FBXL17: variants seen among roughly 807,000 people sequenced by gnomAD.
FBXL17 encodes F-box/LRR-repeat protein 17.
A neutral mutation model predicts 66.2 loss-of-function variants in FBXL17; 22 were observed. That is an observed-to-expected ratio of 0.33 (90% CI 0.24 to 0.47). The LOEUF (loss-of-function observed/expected upper bound fraction) is 0.47. FBXL17 is among the 20% of genes least tolerant of loss of function. The pLI is 1.00. For missense variants in FBXL17, 878 were observed against 948.2 expected (o/e 0.93, Z 0.97); for synonymous variants, 474 against 400.5 (o/e 1.18, Z -2.19).
At chr5:108,001,396 A>T (rs978765307) in intron 7 of FBXL17, among the ~76,000 whole-genome samples, 6 of 152,240 alleles carry the variant, frequency 3.9e-5, no homozygotes, top group Non-Finnish European at 7.3e-5. Flanking sequence ...ATTAATTATC[A>T]CAATAATAAA....
In FBXL17 at chr5:108,016,013, A is replaced by G. The variant is rs1450066705; in HGVS notation, c.1822+4912T>C. ...GAAACTAAACATCTGTATGTAGTAC[A>G]TGGCCCAGCACACGGTGGGTGCTGA... On this transcript the variant is annotated intron_variant, in intron 7 of 8. Transcript: ENST00000542267. Among the ~76,000 whole-genome samples, 9 of 152,308 alleles carry G rather than the reference A, an allele frequency of 5.9e-5. No homozygotes were observed. The East Asian group carries it at 1.4e-3, about 23-fold the overall frequency.
chr5:108,063,500 T>G (rs1748003502), intron 6 of FBXL17, among the ~76,000 whole-genome samples: 1 of 152,202 alleles, frequency 6.6e-6, no homozygotes, highest in Admixed American at 6.6e-5. Context: ...CTCTCTCTGC[T>G]GCAGCTCTCC....
At chr5:108,163,231 T>C (rs1013531731) in intron 6 of FBXL17, among the ~76,000 whole-genome samples, 4 of 152,160 alleles carry the variant, frequency 2.6e-5, no homozygotes, top group African/African-American at 9.7e-5. Flanking sequence ...TCAACCTCTA[T>C]TCCTTTATAT....
At chr5:108,141,478 CCA>C (rs1465426852) in intron 6 of FBXL17, among the ~76,000 whole-genome samples, 1 of 152,164 alleles carries the variant, frequency 6.6e-6, no homozygotes, top group African/African-American at 2.4e-5. Flanking sequence ...CTTTGTAACC[CCA>C]GAGTCTCAAA....
Position 108,382,085 on chromosome 5 carries a change from G to T in FBXL17, c.-394C>A, listed in dbSNP as rs1309449386. 2 of 527,490 alleles carry T rather than the reference G, an allele frequency of 3.8e-6. No individual in the cohort carries two copies. The highest frequency in any genetic ancestry group is 4.9e-6 in the Non-Finnish European group (2 of 407,042). The allele number at this position is 527,490 out of a possible 1,614,324, so 32.7% of individuals were successfully genotyped here. A position where few individuals can be genotyped will look rare whatever the true frequency, so the allele number is the denominator to read the frequency against. ...AACTGCGGATCCGCCGCCGGCGCGCGCACCCGCGACTCTGCTCGGAGCCGC... is the reference window on the plus strand; with the variant it reads ...AACTGCGGATCCGCCGCCGGCGCGCTCACCCGCGACTCTGCTCGGAGCCGC... On this transcript the variant is annotated 5_prime_UTR_variant, in exon 1 of 9. Coordinates refer to ENST00000542267, the MANE Select transcript of FBXL17 (RefSeq NM_001163315.3).
intron 7 of FBXL17, among the ~76,000 whole-genome samples, chr5:107,928,133 C>T (rs1835979): frequency 0.25 from 37,963 of 151,716 alleles, 5,159 homozygotes; most frequent in Middle Eastern, 0.38. Context: ...AACATGGGTG[C>T]AGGAAACCAG....
intron 6 of FBXL17, among the ~76,000 whole-genome samples, chr5:108,075,346 T>G (rs1005908720): frequency 6.6e-6 from 1 of 152,206 alleles, no homozygotes; most frequent in Non-Finnish European, 1.5e-5. Flanking sequence ...AGCTTAAACT[T>G]TCCATCACTC....
At chr5:107,881,452 A>G (rs67795753) in intron 7 of FBXL17, among the ~76,000 whole-genome samples, 15,522 of 152,256 alleles carry the variant, frequency 0.1, 920 homozygotes, top group South Asian at 0.2. Flanking sequence ...GTACTTTCAA[A>G]CATTCAGCTC....
At chr5:107,964,950 G>C (rs1752062725) in intron 7 of FBXL17, among the ~76,000 whole-genome samples, 1 of 152,040 alleles carries the variant, frequency 6.6e-6, no homozygotes, top group Non-Finnish European at 1.5e-5. Context: ...CTGAGGTTTT[G>C]ATTTTTTTCT....
chr5:108,139,022 T>C (rs955867407), intron 6 of FBXL17, among the ~76,000 whole-genome samples: 1 of 152,232 alleles, frequency 6.6e-6, no homozygotes, highest in Non-Finnish European at 1.5e-5. Context: ...TAATCTTGTA[T>C]TCATATGTGG....
At chr5:108,212,512 C>CT (rs1754420307) in intron 5 of FBXL17, among the ~76,000 whole-genome samples, 1 of 151,778 alleles carries the variant, frequency 6.6e-6, no homozygotes, top group South Asian at 2.1e-4. Context: ...TGAATGGGGT[C>CT]TTTGAGTCGA....
rs529982415 is a variant in FBXL17, at chr5:108,139,552, G to C, written c.1745+46565C>G. Among the ~76,000 whole-genome samples the C allele has an allele frequency of 1.6e-4, 25 of 152,228 alleles. No homozygotes were observed. In the South Asian group the frequency reaches 5.0e-3, roughly 30 times the overall value. On this transcript the variant is annotated intron_variant, in intron 6 of 8. Coordinates refer to ENST00000542267, the MANE Select transcript of FBXL17 (RefSeq NM_001163315.3). ...AAACCACTCAGCAATTCTACATTCT[G>C]CTCGTCAGCTCCCTCTGCCACTTCT...
chr5:108,140,569 C>T (rs896330568), intron 6 of FBXL17, among the ~76,000 whole-genome samples: 3 of 152,032 alleles, frequency 2.0e-5, no homozygotes, highest in Admixed American at 6.5e-5. Flanking sequence ...CTCTGCCTAC[C>T]GCTTACAAAT....
intron 6 of FBXL17, among the ~76,000 whole-genome samples, chr5:108,077,090 C>T (rs1223507366): frequency 1.3e-5 from 2 of 152,112 alleles, no homozygotes; most frequent in Non-Finnish European, 2.9e-5. Flanking sequence ...GAGGAATTCA[C>T]CCAATTCATA....
At chr5:107,993,937 T>C (rs933868116) in intron 7 of FBXL17, among the ~76,000 whole-genome samples, 2 of 152,208 alleles carry the variant, frequency 1.3e-5, no homozygotes, top group African/African-American at 4.8e-5. Context: ...AGAATATACA[T>C]TCCCCTCATA....
At chr5:108,029,116 T>C (rs1389525170) in intron 6 of FBXL17, among the ~76,000 whole-genome samples, 1 of 152,068 alleles carries the variant, frequency 6.6e-6, no homozygotes, top group African/African-American at 2.4e-5. Context: ...TCTGGTTTGA[T>C]CAAAAACTAA....
At chr5:108,322,490 T>A (rs1353847154) in intron 4 of FBXL17, among the ~76,000 whole-genome samples, 4 of 152,104 alleles carry the variant, frequency 2.6e-5, no homozygotes, top group Admixed American at 2.6e-4. Flanking sequence ...TAGCTACTCT[T>A]TGTATAAGAA....
At chr5:108,267,480 C>T (rs758337881) in intron 4 of FBXL17, among the ~76,000 whole-genome samples, 9 of 152,028 alleles carry the variant, frequency 5.9e-5, no homozygotes, top group Non-Finnish European at 1.0e-4. Context: ...CAGGGTGCTA[C>T]TTAATCTTAC....
chr5:108,041,216 T>C (rs1307080302), intron 6 of FBXL17, among the ~76,000 whole-genome samples: 1 of 152,160 alleles, frequency 6.6e-6, no homozygotes, highest in African/African-American at 2.4e-5. Flanking sequence ...CTTTTTTCTT[T>C]AGTATTTTAT....
Sources: gnomAD v4.1 joint callset for allele counts (sites outside exome capture counted in the v4.1 genomes callset) on GRCh38, gnomAD v4.1.1 for gene constraint, MANE v1.5 for transcripts, NCBI Gene and HGNC (gene_info 2026-07-23, HGNC 2026-07-21) for gene names.